Variants in SLIT3 observed in about 807,000 individuals in gnomAD.
SLIT3 encodes the protein slit homolog 3 protein.
In SLIT3, 68 loss-of-function variants were observed where a neutral mutation model predicts 184.0. That is an observed-to-expected ratio of 0.37 (90% CI 0.30 to 0.45). The LOEUF (loss-of-function observed/expected upper bound fraction) is 0.45, where lower values mean the gene tolerates loss of function less well. Among genes scored for constraint, SLIT3 ranks in the 20% least tolerant of loss-of-function variants. SLIT3 has a pLI of 1.00. For synonymous variants in SLIT3, 831 were observed against 828.6 expected (o/e 1.00, Z -0.05); for missense variants, 1,707 against 2,026.0 (o/e 0.84, Z 3.02).
At chr5:168,812,057 T>C (rs1306322534) in intron 8 of SLIT3, among the ~76,000 whole-genome samples, 5 of 152,226 alleles carry the variant, frequency 3.3e-5, no homozygotes, top group African/African-American at 9.6e-5. Flanking sequence ...TGTAGCAACA[T>C]GGATGGAACC....
At chr5:168,967,437 CTTTTTT>C (rs540309809) in intron 4 of SLIT3, among the ~76,000 whole-genome samples, 1 of 32,738 alleles carries the variant, frequency 3.1e-5, no homozygotes, top group African/African-American at 1.1e-4. Context: ...CATCTCAAAT[CTTTTTT>C]TTTTTTTTTT....
At chr5:168,933,749 T>C (rs532540507) in intron 4 of SLIT3, among the ~76,000 whole-genome samples, 1 of 152,300 alleles carries the variant, frequency 6.6e-6, no homozygotes, top group East Asian at 1.9e-4. Context: ...TAATCTTGGT[T>C]GAGACCCTGG....
chr5:168,722,913 C>A lies in SLIT3; in HGVS notation c.2411+20G>T, dbSNP rs748893959. On this transcript the variant is annotated intron_variant, in intron 22 of 35. Transcript: ENST00000519560. ...GCTAGGCCCAAGGGCATGGTAAACA[C>A]AGCATCTCAGTGTACTCACAGAGTG... The A allele has an allele frequency of 1.9e-6, 3 of 1,590,542 alleles. No homozygotes were observed. In the Middle Eastern group the frequency reaches 5.0e-4, roughly 264 times the overall value.
chr5:168,984,210 G>A (rs866944911), intron 4 of SLIT3, among the ~76,000 whole-genome samples: 1 of 152,028 alleles, frequency 6.6e-6, no homozygotes, highest in Admixed American at 6.6e-5. Context: ...ATTTTCAAAG[G>A]AGGAAGGAAA....
intron 3 of SLIT3, among the ~76,000 whole-genome samples, chr5:169,218,272 A>T (rs1764512600): frequency 6.6e-6 from 1 of 152,162 alleles, no homozygotes; most frequent in Admixed American, 6.5e-5. Context: ...TTCGCCATGA[A>T]TTGGTAAGTG....
chr5:169,028,380 T>G (rs1231984057), intron 4 of SLIT3, among the ~76,000 whole-genome samples: 3 of 152,180 alleles, frequency 2.0e-5, no homozygotes, highest in Non-Finnish European at 4.4e-5. Flanking sequence ...CTGTGTAGGC[T>G]CCCACAAATC....
At chr5:168,678,159 G>A (rs60969778) in intron 32 of SLIT3, among the ~76,000 whole-genome samples, 32 of 152,268 alleles carry the variant, frequency 2.1e-4, no homozygotes, top group African/African-American at 7.7e-4. Flanking sequence ...AGGTGCTCAT[G>A]GGTTAACAGG....
chr5:168,674,045 A>AT (rs1761334421), intron 32 of SLIT3, among the ~76,000 whole-genome samples: 1 of 152,084 alleles, frequency 6.6e-6, no homozygotes, highest in South Asian at 2.1e-4. Flanking sequence ...TGGTTTTTAT[A>AT]TTTTTTTCTA....
Position 168,913,245 on chromosome 5 carries a change from A to G in SLIT3, c.414-29909T>C, listed in dbSNP as rs113960251. ...TTTGCCATTATTTCTAATGGCAAAA[A>G]CTGCAATTAGTTTTGCACCAATCAA... On this transcript the variant is annotated intron_variant, in intron 4 of 35. Coordinates refer to ENST00000519560, the MANE Select transcript of SLIT3 (RefSeq NM_003062.4). 7.2e-3 allele frequency among the ~76,000 whole-genome samples: 1,102 copies of G among 152,214 alleles called. 16 individuals are homozygous for G. The highest frequency in any genetic ancestry group is 0.025 in the African/African-American group (1,033 of 41,548).
chr5:168,819,092 A>C (rs899609632), intron 7 of SLIT3, among the ~76,000 whole-genome samples: 2 of 152,222 alleles, frequency 1.3e-5, no homozygotes, highest in Non-Finnish European at 2.9e-5. Flanking sequence ...AATGGGTCCC[A>C]CGCAGTTCTC....
intron 4 of SLIT3, among the ~76,000 whole-genome samples, chr5:169,092,147 C>T (rs985602440): frequency 5.9e-5 from 9 of 152,076 alleles, no homozygotes; most frequent in East Asian, 1.9e-4. Context: ...CGTTTAAACC[C>T]GAGAGGTGGA....
intron 18 of SLIT3, among the ~76,000 whole-genome samples, chr5:168,751,421 T>C (rs1754702614): frequency 6.6e-6 from 1 of 152,202 alleles, no homozygotes; most frequent in African/African-American, 2.4e-5. Context: ...TTTCTACACC[T>C]AGGCCCTTGC....
In SLIT3 at chr5:168,666,226, A is replaced by G. The variant is rs1180676453; in HGVS notation, c.*228T>C. ...AAATAACTCACTATATGGTACATAT[A>G]CGCAGATGGTGTAATATATTTATAT... On this transcript the variant is annotated 3_prime_UTR_variant, in exon 36 of 36. Coordinates refer to ENST00000519560, the MANE Select transcript of SLIT3 (RefSeq NM_003062.4). The G allele has an allele frequency of 2.4e-6, 1 of 416,624 alleles. No homozygotes were observed. The highest frequency in any genetic ancestry group is 4.2e-6 in the Non-Finnish European group (1 of 238,474). 25.8% of individuals were successfully genotyped at this position (416,624 alleles called of 1,614,324 possible).
At chr5:168,842,530 G>T (rs1269430262) in intron 6 of SLIT3, among the ~76,000 whole-genome samples, 1 of 143,022 alleles carries the variant, frequency 7.0e-6, no homozygotes, top group Admixed American at 6.9e-5. Flanking sequence ...TCCTGGGCAA[G>T]GGCTTGATGG....
At chr5:168,719,922 T>G (rs1275586091) in intron 23 of SLIT3, 1 of 152,178 alleles carries the variant, frequency 6.6e-6, no homozygotes, top group African/African-American at 2.4e-5. Flanking sequence ...TTCTCTTTTT[T>G]TTTTCTTTTG....
intron 4 of SLIT3, among the ~76,000 whole-genome samples, chr5:168,912,637 G>A (rs1487228037): frequency 1.3e-5 from 2 of 152,176 alleles, no homozygotes; most frequent in Non-Finnish European, 2.9e-5. Flanking sequence ...AAGTTTGGGT[G>A]TATATTACAA....
Position 168,701,163 on chromosome 5 carries a change from C to T in SLIT3, c.2845-484G>A, listed in dbSNP as rs139773589. ...AGTTTCATGTAAGGAAAAGGTTACA[C>T]GTGTGTAATCCACCTAGCACATAGT... On this transcript the variant is annotated intron_variant, in intron 26 of 35. Transcript: ENST00000519560. Among the ~76,000 whole-genome samples, 75 of 152,328 alleles carry T rather than the reference C, an allele frequency of 4.9e-4. 1 individual carries two copies. The East Asian group carries it at 9.3e-3, about 19-fold the overall frequency.
chr5:168,770,767 A>G (rs2113530437), intron 14 of SLIT3, among the ~76,000 whole-genome samples: 1 of 152,148 alleles, frequency 6.6e-6, no homozygotes, highest in Non-Finnish European at 1.5e-5. Context: ...AAAAGCAGCC[A>G]GGATCCTGCA....
rs1158008539 is a variant in SLIT3, at chr5:168,724,444, G to C, written c.2311C>G (p.Leu771Val). 6.2e-7 allele frequency: 1 copy of C among 1,613,010 alleles called. No homozygotes were observed. The highest frequency in any genetic ancestry group is 2.2e-5 in the East Asian group (1 of 44,886). Reference protein sequence around the residue: ...GNHLTAVPRELSALRHLTLID... With the variant: ...GNHLTAVPREVSALRHLTLID... ...AGCGTCAGGTGTCGGAGGGCGGACA[G>C]CTCTCTGGGCACGGCTGTTAGGTGG... is the stretch of plus-strand genomic sequence containing the variant. The change falls in exon 21 of 36, where the codon CTG becomes GTG. Residue 771 changes from leucine to valine, a missense_variant. Leu to Val is a conservative substitution (Grantham distance 32, BLOSUM62 1). Transcript: ENST00000519560.
Sources: gnomAD v4.1 joint callset for allele counts (sites outside exome capture counted in the v4.1 genomes callset) on GRCh38, gnomAD v4.1.1 for gene constraint, MANE v1.5 for transcripts, NCBI Gene and HGNC (gene_info 2026-07-23, HGNC 2026-07-21) for gene names.